API5: variants seen among roughly 807,000 people sequenced by gnomAD.
API5 encodes the protein apoptosis inhibitor 5.
Under a neutral mutation model 71.9 loss-of-function variants are expected in API5, and 6 were observed. The observed-to-expected ratio is 0.08, with a 90% confidence interval of 0.05 to 0.16. API5 has a LOEUF of 0.16. Ranked by LOEUF, API5 falls within the 10% of genes least tolerant of loss-of-function variation. The probability of loss-of-function intolerance (pLI) is 1.00; values close to 1 mark genes in which losing one functional copy is unlikely to be tolerated. For missense variants in API5, 332 were observed against 612.8 expected, an observed-to-expected ratio of 0.54 and a Z score of 4.84; for synonymous variants, 189 against 221.3, an observed-to-expected ratio of 0.85 and a Z score of 1.30.
At chr11:43,313,875 G>A (rs891632549) in intron 1 of API5, among the ~76,000 whole-genome samples, 8 of 152,110 alleles carry the variant, frequency 5.3e-5, no homozygotes, top group Non-Finnish European at 8.8e-5. Context: ...GATCAGTTGA[G>A]ATCAGGAGTT....
chr11:43,314,214 G>C (rs1340813203), intron 1 of API5, among the ~76,000 whole-genome samples: 1 of 152,162 alleles, frequency 6.6e-6, no homozygotes. Context: ...TGACTTAGTT[G>C]GGTAACTTTG....
intron 13 of API5, among the ~76,000 whole-genome samples, chr11:43,339,557 G>A (rs1855544256): frequency 6.6e-6 from 1 of 152,184 alleles, no homozygotes; most frequent in Non-Finnish European, 1.5e-5. Flanking sequence ...CAATGGATGA[G>A]AGACTCTTGT....
At chr11:43,339,948 T>A (rs1392248182) in intron 13 of API5, among the ~76,000 whole-genome samples, 1 of 151,880 alleles carries the variant, frequency 6.6e-6, no homozygotes, top group Admixed American at 6.6e-5. Context: ...CCAGAGCAGG[T>A]AGATAAGAGA....
chr11:43,313,391 C>G (rs1270951045), intron 1 of API5, among the ~76,000 whole-genome samples: 1 of 152,128 alleles, frequency 6.6e-6, no homozygotes, highest in African/African-American at 2.4e-5. Flanking sequence ...ACCAGGCTCT[C>G]CTGGAGGTAA....
chr11:43,326,627 A>C lies in API5; in HGVS notation c.855+16A>C. On this transcript the variant is annotated intron_variant, in intron 7 of 13. Transcript: ENST00000531273. ...ACAGTTGGAGGTAAGCAAAAATTTC[A>C]GCTTTAGCACTGATAAGGCATTCTT... is the stretch of plus-strand genomic sequence containing the variant. The C allele has an allele frequency of 6.8e-7, 1 of 1,461,470 alleles. No individual in the cohort carries two copies. Among genetic ancestry groups the C allele is most frequent in the Non-Finnish European group, 9.6e-7 (1 of 1,045,232 alleles). The allele number at this position is 1,461,470 out of a possible 1,614,324, so 90.5% of individuals were successfully genotyped here. A position where few individuals can be genotyped will look rare whatever the true frequency, so the allele number is the denominator to read the frequency against.
At chr11:43,337,794 A>C (rs1855485088) in intron 13 of API5, among the ~76,000 whole-genome samples, 1 of 152,214 alleles carries the variant, frequency 6.6e-6, no homozygotes, top group Non-Finnish European at 1.5e-5. Context: ...ATCAATAGCT[A>C]TGGCAATACA....
At chr11:43,333,729 C>T (rs1399518115) in intron 11 of API5, among the ~76,000 whole-genome samples, 1 of 152,122 alleles carries the variant, frequency 6.6e-6, no homozygotes, top group Admixed American at 6.6e-5. Context: ...TGGTCTCTAT[C>T]TCCCTCATTT....
rs762041432 is a variant in API5, at chr11:43,328,901, A to G, written c.1127+8A>G. 2.4e-5 allele frequency: 38 copies of G among 1,613,582 alleles called. No homozygotes were observed. The highest frequency in any genetic ancestry group is 2.2e-5 in the East Asian group (1 of 44,882). On this transcript the variant is annotated splice_region_variant and intron_variant, in intron 9 of 13. Coordinates refer to ENST00000531273, the MANE Select transcript of API5 (RefSeq NM_001142930.2). ...CAAAGATTTCAAAATCAGGTGATAT[A>G]TGATTGAGGTGGCTCAATCCTTGGC...
rs996274530 is a variant in API5, at chr11:43,344,040, G to A, written c.*1530G>A. ...AAAAGTTGGTCAGCTTGGCTATGGAGTGGTGGCAATAATCTCTAAACATTC... is the reference window on the plus strand; with the variant it reads ...AAAAGTTGGTCAGCTTGGCTATGGAATGGTGGCAATAATCTCTAAACATTC... On this transcript the variant is annotated 3_prime_UTR_variant, in exon 14 of 14. Transcript: ENST00000531273. 3.6e-4 allele frequency: 55 copies of A among 152,610 alleles called. No homozygotes were observed. Among genetic ancestry groups the A allele is most frequent in the African/African-American group, 1.2e-3 (51 of 41,452 alleles). The allele number at this position is 152,610 out of a possible 1,614,324, so 9.5% of individuals were successfully genotyped here.
chr11:43,318,434 C>T (rs1481595951), intron 1 of API5: 1 of 1,534,580 alleles, frequency 6.5e-7, no homozygotes, highest in East Asian at 2.4e-5. Flanking sequence ...CATCCATCTC[C>T]CCCAACTCAA....
At chr11:43,328,997 C>T (rs562321000) in intron 9 of API5, 104 bp downstream of exon 9, 5 of 1,158,618 alleles carry the variant, frequency 4.3e-6, no homozygotes, top group Middle Eastern at 4.0e-4. Flanking sequence ...TCCTGCCTTA[C>T]CCCAGTGATA....
intron 13 of API5, among the ~76,000 whole-genome samples, chr11:43,337,372 T>G (rs984568203): frequency 6.6e-6 from 1 of 152,162 alleles, no homozygotes; most frequent in Admixed American, 6.5e-5. Context: ...TATCTGTAAT[T>G]TTGTTTCCAA....
chr11:43,326,383 A>G (rs1001818542), intron 6 of API5, 124 bp from the exon 7 acceptor site: 3 of 633,896 alleles, frequency 4.7e-6, no homozygotes, highest in African/African-American at 1.8e-5. Context: ...GGTGTGCACT[A>G]TATCGTATTT....
chr11:43,325,762 A>G (rs1290407279), intron 6 of API5, among the ~76,000 whole-genome samples: 3 of 152,216 alleles, frequency 2.0e-5, no homozygotes, highest in Non-Finnish European at 2.9e-5. Flanking sequence ...CAGTCAAAGC[A>G]ATGGCTGCCA....
chr11:43,318,877 CT>C, intron 2 of API5, 76 bp downstream of exon 2: 1 of 1,426,136 alleles, frequency 7.0e-7, no homozygotes. Flanking sequence ...GAGTAGCAAT[CT>C]GATATATCAG....
Position 43,342,795 on chromosome 11 carries a change from TTGTTGTTGAGAGC to T in API5, c.*290_*302del. The T allele has an allele frequency of 1.7e-6, 1 of 593,718 alleles. No homozygotes were observed. Among genetic ancestry groups the T allele is most frequent in the Non-Finnish European group, 3.0e-6 (1 of 331,030 alleles). 36.8% of individuals were successfully genotyped at this position (593,718 alleles called of 1,614,324 possible). On this transcript the variant is annotated 3_prime_UTR_variant, in exon 14 of 14. Coordinates refer to ENST00000531273, the MANE Select transcript of API5 (RefSeq NM_001142930.2). ...TGAATCTTTTAAACATCTTGATAAT[TTGTTGTTGAGAGC>T]TGTTCATTCTAAAATGTAATGAAAT...
intron 7 of API5, 42 bp downstream of exon 7, chr11:43,326,653 A>T (rs1277873211): frequency 9.0e-7 from 1 of 1,107,974 alleles, no homozygotes; most frequent in Non-Finnish European, 1.4e-6. Context: ...AGGCATTCTT[A>T]TATTTTAACA....
At position 43,343,210 on chromosome 11, in the gene API5, G is replaced by GTATA. The variant is rs374650735; in HGVS notation, c.*712_*715dup. ...TAAGCATATATGTGTGTGTGTGTGT[G>GTATA]TATATATATATATATGCATGCTGTG... On this transcript the variant is annotated 3_prime_UTR_variant, in exon 14 of 14. Coordinates refer to ENST00000531273, the MANE Select transcript of API5 (RefSeq NM_001142930.2). 1 of 149,534 alleles carries GTATA rather than the reference G, an allele frequency of 6.7e-6. No individual in the cohort carries two copies. Among genetic ancestry groups the GTATA allele is most frequent in the Non-Finnish European group, 1.5e-5 (1 of 67,086 alleles). 9.3% of individuals were successfully genotyped at this position (149,534 alleles called of 1,614,324 possible). A position where few individuals can be genotyped will look rare whatever the true frequency, so the allele number is the denominator to read the frequency against.
At chr11:43,335,389 T>G in intron 12 of API5, 35 bp downstream of exon 12, 1 of 1,334,874 alleles carries the variant, frequency 7.5e-7, no homozygotes. Context: ...TTAAGTGTTA[T>G]CAAAACTTAA....
Sources: allele counts gnomAD v4.1 joint callset (sites outside exome capture counted in the v4.1 genomes callset), GRCh38; gene constraint gnomAD v4.1.1; transcripts MANE v1.5; gene names NCBI Gene and HGNC (gene_info 2026-07-23, HGNC 2026-07-21).